The following HOOK3 variants were observed in gnomAD, a reference collection of about 807,000 sequenced individuals.
The protein encoded by HOOK3 is hook microtubule tethering protein 3, also known as protein Hook homolog 3.
A neutral mutation model predicts 116.3 loss-of-function variants in HOOK3; 24 were observed. That is an observed-to-expected ratio of 0.21 (90% CI 0.15 to 0.29). The LOEUF (loss-of-function observed/expected upper bound fraction) is 0.29. Ranked by LOEUF, HOOK3 falls within the 10% of genes least tolerant of loss-of-function variation. The pLI is 1.00. For missense variants in HOOK3, 632 were observed against 830.2 expected (o/e 0.76, Z 2.93); for synonymous variants, 275 against 283.0 (o/e 0.97, Z 0.28).
rs1041503841 is a variant in HOOK3 at position 43,024,687 on chromosome 8, G to T, written c.*6189G>T. 17 of 190,280 alleles carry T rather than the reference G, an allele frequency of 8.9e-5. No individual in the cohort carries two copies. Among genetic ancestry groups the T allele is most frequent in the Admixed American group, 5.5e-4 (9 of 16,232 alleles). 11.8% of individuals were successfully genotyped at this position (190,280 alleles called of 1,614,324 possible). A position where few individuals can be genotyped will look rare whatever the true frequency, so the allele number is the denominator to read the frequency against. ...ATAAAGAATATTTAAATAATAATTGGTGTATGTTCCTTTTGTTGAAAATGT... is the reference window on the plus strand; with the variant it reads ...ATAAAGAATATTTAAATAATAATTGTTGTATGTTCCTTTTGTTGAAAATGT... On this transcript the variant is annotated 3_prime_UTR_variant, in exon 22 of 22. Transcript: ENST00000307602.
intron 15 of HOOK3, among the ~76,000 whole-genome samples, chr8:42,992,648 G>A (rs527517330): frequency 2.7e-5 from 4 of 150,130 alleles, no homozygotes; most frequent in South Asian, 4.3e-4. Flanking sequence ...TGCAGGAGGT[G>A]GAGGTTGTAG....
intron 1 of HOOK3, among the ~76,000 whole-genome samples, chr8:42,899,092 C>T (rs1335947524): frequency 1.3e-5 from 2 of 152,024 alleles, no homozygotes; most frequent in African/African-American, 2.4e-5. Context: ...AGTTGGGGAC[C>T]GTCTGTATTT....
intron 15 of HOOK3, among the ~76,000 whole-genome samples, chr8:42,991,264 G>T: frequency 6.6e-6 from 1 of 151,984 alleles, no homozygotes; most frequent in African/African-American, 2.4e-5. Flanking sequence ...AATAGCTTTG[G>T]TTATTCTGGG....
At chr8:42,950,234 G>T (rs976262996) in intron 5 of HOOK3, among the ~76,000 whole-genome samples, 154 bp from the exon 6 acceptor site, 1 of 152,074 alleles carries the variant, frequency 6.6e-6, no homozygotes, top group Non-Finnish European at 1.5e-5. Flanking sequence ...TGTGATTTTC[G>T]GACTTTACCA....
At chr8:42,903,711 A>G (rs1029775661) in intron 1 of HOOK3, among the ~76,000 whole-genome samples, 2 of 134,958 alleles carry the variant, frequency 1.5e-5, no homozygotes, top group African/African-American at 5.6e-5. Context: ...TAATCCCAGC[A>G]CTTTGGGAGG....
chr8:43,002,963 T>C (rs1809407776), intron 17 of HOOK3, among the ~76,000 whole-genome samples: 1 of 152,238 alleles, frequency 6.6e-6, no homozygotes, highest in Non-Finnish European at 1.5e-5. Flanking sequence ...AATTTTAAAA[T>C]ATTCACATAT....
intron 17 of HOOK3, among the ~76,000 whole-genome samples, chr8:43,007,621 G>T (rs1809517971): frequency 6.6e-6 from 1 of 152,054 alleles, no homozygotes; most frequent in Non-Finnish European, 1.5e-5. Context: ...CTTTATGCAG[G>T]TCTATCTAAA....
intron 16 of HOOK3, chr8:42,997,839 G>T: frequency 2.2e-6 from 1 of 457,542 alleles, no homozygotes; most frequent in Non-Finnish European, 4.0e-6. Context: ...CGCTCTGCTG[G>T]GAATTAGAAG....
chr8:42,993,913 G>A (rs894209405), intron 15 of HOOK3, among the ~76,000 whole-genome samples: 5 of 151,880 alleles, frequency 3.3e-5, no homozygotes, highest in Non-Finnish European at 2.9e-5. Context: ...CTGGCTAAAG[G>A]TTTGTCAATT....
At position 42,943,400 on chromosome 8, in the gene HOOK3, C is replaced by A. The variant is rs1409114729; in HGVS notation, c.355C>A (p.Leu119Ile). 2 of 1,570,566 alleles carry A rather than the reference C, an allele frequency of 1.3e-6. 1 individual carries two copies. Among genetic ancestry groups the A allele is most frequent in the South Asian group, 2.5e-5 (2 of 80,646 alleles). ...TGATGCAGCAGAGCTTGGAAGGATG[C>A]TTCAGCTCATCTTAGGCTGTGCTGT... ...HSDAAELGRM[L>I]QLILGCAVNC... Residue 119 changes from leucine (L) to isoleucine (I), a missense_variant, in exon 5 of 22, where the codon CTT becomes ATT. By Grantham distance (5) the Leu-to-Ile change is conservative. Transcript: ENST00000307602.
chr8:42,985,433 G>A (rs1407147592), intron 14 of HOOK3, among the ~76,000 whole-genome samples: 1 of 152,122 alleles, frequency 6.6e-6, no homozygotes, highest in African/African-American at 2.4e-5. Context: ...GGTGTAAATA[G>A]CAGGTACCAA....
At chr8:42,953,542 T>A (rs989100572) in intron 6 of HOOK3, among the ~76,000 whole-genome samples, 9 of 150,804 alleles carry the variant, frequency 6.0e-5, no homozygotes, top group African/African-American at 2.2e-4. Context: ...CCAGCCTGGG[T>A]GATAGTGCCA....
chr8:43,002,251 A>T, intron 17 of HOOK3, 110 bp downstream of exon 17: 1 of 740,040 alleles, frequency 1.4e-6, no homozygotes, highest in Non-Finnish European at 2.3e-6. Context: ...TTGAAGAAAT[A>T]GAAAATTATA....
chr8:42,991,543 C>T (rs900163338), intron 15 of HOOK3, among the ~76,000 whole-genome samples: 5 of 152,038 alleles, frequency 3.3e-5, no homozygotes, highest in Non-Finnish European at 5.9e-5. Context: ...GCTGGGACTA[C>T]AGGCATGAGC....
intron 10 of HOOK3, 118 bp downstream of exon 10, chr8:42,966,731 C>A: frequency 9.8e-7 from 1 of 1,022,438 alleles, no homozygotes; most frequent in Non-Finnish European, 1.4e-6. Flanking sequence ...CCCGGGTCTA[C>A]TGCTTATGCA....
intron 15 of HOOK3, among the ~76,000 whole-genome samples, chr8:42,990,112 T>G (rs1389815321): frequency 1.3e-5 from 2 of 151,904 alleles, no homozygotes; most frequent in Non-Finnish European, 2.9e-5. Context: ...TCCTTCCATG[T>G]CAGCCTCTAA....
chr8:43,015,078 C>G (rs1024769274), intron 21 of HOOK3, among the ~76,000 whole-genome samples: 1 of 151,700 alleles, frequency 6.6e-6, no homozygotes, highest in Admixed American at 6.6e-5. Flanking sequence ...ACCCGGGAGG[C>G]GGAAGTTGGG....
At chr8:42,911,660 G>T (rs1470682938) in intron 2 of HOOK3, among the ~76,000 whole-genome samples, 1 of 152,174 alleles carries the variant, frequency 6.6e-6, no homozygotes, top group South Asian at 2.1e-4. Flanking sequence ...AGGTGCTGAA[G>T]AATATGAAGA....
In HOOK3 at chr8:42,943,081, GT is replaced by G. The variant is rs759936899; in HGVS notation, c.268-224del. On this transcript the variant is annotated intron_variant, in intron 4 of 21. Coordinates refer to ENST00000307602, the MANE Select transcript of HOOK3 (RefSeq NM_032410.4). ...TACTCAGGGTTTTTTTGTTTGTTTT[GT>G]TTTTTTTGCTCGATGTACATGCCAC... 2.6e-5 allele frequency among the ~76,000 whole-genome samples: 4 copies of G among 151,374 alleles called. No individual in the cohort carries two copies. In the East Asian group the frequency reaches 5.8e-4, roughly 22 times the overall value.
Sources: gnomAD v4.1 joint callset for allele counts (sites outside exome capture counted in the v4.1 genomes callset) on GRCh38, gnomAD v4.1.1 for gene constraint, MANE v1.5 for transcripts, NCBI Gene and HGNC (gene_info 2026-07-23, HGNC 2026-07-21) for gene names.